The following LRRK1 variants were observed in gnomAD, a reference collection of about 807,000 sequenced individuals.
LRRK1 encodes the protein leucine rich repeat kinase 1.
LRRK1 carries 113 observed loss-of-function variants against 209.1 expected under a neutral mutation model. The observed-to-expected ratio is 0.54, with a 90% CI of 0.46 to 0.63. The LOEUF (loss-of-function observed/expected upper bound fraction) is 0.63. LRRK1 is among the 30% of genes least tolerant of loss of function. LRRK1 has a pLI of 0.00. For missense variants in LRRK1, 2,284 were observed against 2,632.2 expected, an observed-to-expected ratio of 0.87 and a Z score of 2.89; for synonymous variants, 1,144 against 1,099.7, an observed-to-expected ratio of 1.04 and a Z score of -0.80.
At chr15:101,067,420 AATGTGTGTGTGTGT>A (rs2036594259) in intron 33 of LRRK1, 2 of 346,954 alleles carry the variant, frequency 5.8e-6, no homozygotes, top group South Asian at 3.9e-5. Context: ...CCTCAGTTCA[AATGTGTGTGTGTGT>A]GTGTGTGTGT....
intron 6 of LRRK1, among the ~76,000 whole-genome samples, chr15:100,992,584 T>C (rs2032203167): frequency 6.6e-6 from 1 of 152,182 alleles, no homozygotes; most frequent in African/African-American, 2.4e-5. Context: ...ATTACTTGTT[T>C]TGTTTGTTAT....
intron 31 of LRRK1, among the ~76,000 whole-genome samples, chr15:101,063,687 G>GAGAC (rs1012633587): frequency 1.3e-5 from 2 of 148,744 alleles, no homozygotes; most frequent in Non-Finnish European, 3.0e-5. Context: ...GGTATAAGAA[G>GAGAC]AGACAGAAGG....
intron 10 of LRRK1, among the ~76,000 whole-genome samples, chr15:101,013,724 C>T (rs2033394386): frequency 6.6e-6 from 1 of 152,196 alleles, no homozygotes; most frequent in African/African-American, 2.4e-5. Flanking sequence ...GGTCTGTTTG[C>T]AGTAGGGCTG....
rs2036797985 is a variant in LRRK1 at position 101,071,363 on chromosome 15, C to T, written c.*2515C>T. 2 of 138,156 alleles carry T rather than the reference C, an allele frequency of 1.4e-5. No homozygotes were observed. The highest frequency in any genetic ancestry group is 7.5e-5 in the Admixed American group (1 of 13,294). 8.6% of individuals were successfully genotyped at this position (138,156 alleles called of 1,614,324 possible). A position where few individuals can be genotyped will look rare whatever the true frequency, so the allele number is the denominator to read the frequency against. On this transcript the variant is annotated 3_prime_UTR_variant, in exon 34 of 34. Coordinates refer to ENST00000388948, the MANE Select transcript of LRRK1 (RefSeq NM_024652.6). Reference sequence around the variant, plus strand: ...CAGGCACTGTGACCGGAGACACAGTCAAGAATCTCTGTGTTTTTTTTGTTT... The same window carrying T: ...CAGGCACTGTGACCGGAGACACAGTTAAGAATCTCTGTGTTTTTTTTGTTT...
intron 6 of LRRK1, among the ~76,000 whole-genome samples, chr15:100,994,647 T>A (rs2032315132): frequency 6.6e-6 from 1 of 152,230 alleles, no homozygotes; most frequent in Admixed American, 6.5e-5. Context: ...CTGGCTCTGT[T>A]GCGTGGAATC....
At position 101,068,682 on chromosome 15, in the gene LRRK1, ATGCTGCC is replaced by A. The variant is rs781128843; in HGVS notation, c.5883_5889del (p.Asp1961GlufsTer85). 1 of 1,598,820 alleles carries A rather than the reference ATGCTGCC, an allele frequency of 6.3e-7. No homozygotes were observed. The highest frequency in any genetic ancestry group is 1.3e-5 in the African/African-American group (1 of 74,582). On this transcript the variant is annotated frameshift_variant, in exon 34 of 34. Transcript: ENST00000388948. LOFTEE classifies it high-confidence loss of function. ...CCTTCTCTCTGCAGGGTGCTGGTGGATGCTGCCGTGGTGGCAAAGGACACTGTTGTGT... is the reference window on the plus strand; with the variant it reads ...CCTTCTCTCTGCAGGGTGCTGGTGGAGTGGTGGCAAAGGACACTGTTGTGT...
At chr15:100,974,888 T>C (rs1462413932) in intron 3 of LRRK1, among the ~76,000 whole-genome samples, 2 of 152,254 alleles carry the variant, frequency 1.3e-5, no homozygotes, top group Non-Finnish European at 2.9e-5. Flanking sequence ...CTGGCTATTA[T>C]CATGAAAATA....
chr15:100,999,013 A>G (rs1276121910), intron 6 of LRRK1, among the ~76,000 whole-genome samples: 1 of 152,190 alleles, frequency 6.6e-6, no homozygotes, highest in Non-Finnish European at 1.5e-5. Context: ...CAAACATTGT[A>G]TTTTAATCTC....
In LRRK1 at chr15:101,022,341, T is replaced by C. The variant is rs1364360210; in HGVS notation, c.1853-42T>C. On this transcript the variant is annotated intron_variant, in intron 14 of 33. Coordinates refer to ENST00000388948, the MANE Select transcript of LRRK1 (RefSeq NM_024652.6). The surrounding 1 kb of genome is among the most constrained non-coding windows in gnomAD (Gnocchi z 4.0). ...TTTTGTGTCCTAAGAGATGTGAGCA[T>C]GTGCCCACGCAGCTACCCTTCCCCT... The C allele has an allele frequency of 2.5e-6, 4 of 1,572,648 alleles. No homozygotes were observed. The highest frequency in any genetic ancestry group is 2.2e-5 in the East Asian group (1 of 44,558).
intron 2 of LRRK1, among the ~76,000 whole-genome samples, chr15:100,944,910 CAAAGAT>C (rs1325051552): frequency 6.6e-6 from 1 of 152,128 alleles, no homozygotes; most frequent in East Asian, 1.9e-4. Context: ...AGAAGCAAAA[CAAAGAT>C]AGAGTCTGAT....
intron 2 of LRRK1, among the ~76,000 whole-genome samples, chr15:100,934,160 A>T (rs1048653179): frequency 6.6e-5 from 10 of 152,204 alleles, no homozygotes; most frequent in African/African-American, 2.4e-4. Flanking sequence ...GATTCAAAGC[A>T]TTATTAGGGA....
chr15:100,961,907 C>T (rs145219297), intron 2 of LRRK1, among the ~76,000 whole-genome samples: 29 of 152,304 alleles, frequency 1.9e-4, no homozygotes, highest in Middle Eastern at 3.4e-3. Context: ...CAATAAATGG[C>T]ACCAATGACC....
Position 101,051,940 on chromosome 15 carries a change from C to T in LRRK1, c.3669C>T (p.Phe1223=). 1 of 1,613,546 alleles carries T rather than the reference C, an allele frequency of 6.2e-7. No individual in the cohort carries two copies. The change falls in exon 24 of 34, where the codon TTC becomes TTT. Residue 1223 remains phenylalanine, a synonymous_variant. Coordinates refer to ENST00000388948, the MANE Select transcript of LRRK1 (RefSeq NM_024652.6). ...VPLQELVPEL[F]MTDFPARLFL... ...TGCAGGAGCTGGTCCCTGAACTGTT[C>T]ATGACCGACTTCCCGGCCAGGTATG...
At chr15:100,948,554 T>C (rs1488218263) in intron 2 of LRRK1, among the ~76,000 whole-genome samples, 1 of 152,242 alleles carries the variant, frequency 6.6e-6, no homozygotes. Context: ...TTTGTCTTTT[T>C]ACCTTGTTTC....
intron 6 of LRRK1, among the ~76,000 whole-genome samples, chr15:101,000,415 C>A (rs944229545): frequency 6.6e-6 from 1 of 152,244 alleles, no homozygotes. Context: ...CCAACCTCCC[C>A]TCTCTTCCCT....
intron 2 of LRRK1, among the ~76,000 whole-genome samples, chr15:100,950,119 A>G (rs12914611): frequency 0.17 from 25,818 of 152,238 alleles, 2,429 homozygotes; most frequent in African/African-American, 0.24. Flanking sequence ...CAACACACAA[A>G]AGACAATTAG....
chr15:100,922,844 CAT>C (rs2141589119), intron 1 of LRRK1, among the ~76,000 whole-genome samples: 1 of 152,270 alleles, frequency 6.6e-6, no homozygotes, highest in South Asian at 2.1e-4. Context: ...GCCTCTGAAA[CAT>C]GTGCAGCTTG....
chr15:100,994,974 CA>C (rs948998797), intron 6 of LRRK1, among the ~76,000 whole-genome samples: 7 of 152,132 alleles, frequency 4.6e-5, no homozygotes, highest in Non-Finnish European at 1.0e-4. Flanking sequence ...GAATATTACA[CA>C]AGGGTAGGTA....
intron 20 of LRRK1, chr15:101,044,257 C>T (rs1486623421): frequency 6.6e-6 from 1 of 152,234 alleles, no homozygotes; most frequent in Non-Finnish European, 1.5e-5. Flanking sequence ...CAGTTTTAAG[C>T]CTTTGTGCTT....
Sources: allele counts gnomAD v4.1 joint callset (sites outside exome capture counted in the v4.1 genomes callset), GRCh38; gene constraint gnomAD v4.1.1; non-coding constraint Gnocchi (gnomAD v3.1); transcripts MANE v1.5; gene names NCBI Gene and HGNC (gene_info 2026-07-23, HGNC 2026-07-21).